The following WDPCP variants were observed in gnomAD, a reference collection of about 807,000 sequenced individuals.
WDPCP encodes WD repeat-containing and planar cell polarity effector protein fritz homolog.
In WDPCP, 71 loss-of-function variants were observed where a neutral mutation model predicts 93.1. That is an observed-to-expected ratio of 0.76 (90% CI 0.63 to 0.93). The LOEUF is 0.93. WDPCP is among the 40% of genes least tolerant of loss of function. The pLI, the probability that WDPCP is intolerant of heterozygous loss-of-function variation, is 0.00. For synonymous variants in WDPCP, 315 were observed against 315.0 expected (o/e 1.00, Z 0.00); for missense variants, 844 against 887.4 (o/e 0.95, Z 0.62).
At chr2:63,430,503 T>A (rs1358259188) in intron 9 of WDPCP, among the ~76,000 whole-genome samples, 1 of 152,216 alleles carries the variant, frequency 6.6e-6, no homozygotes, top group Non-Finnish European at 1.5e-5. Flanking sequence ...CTGACAAAAT[T>A]TTTTTCTGTA....
intron 1 of WDPCP, among the ~76,000 whole-genome samples, chr2:63,529,330 A>G (rs1221872187): frequency 6.6e-6 from 1 of 152,210 alleles, no homozygotes; most frequent in African/African-American, 2.4e-5. Flanking sequence ...TTGCCCATTC[A>G]GTATGATATT....
chr2:63,226,831 T>C (rs1299020868), intron 14 of WDPCP, among the ~76,000 whole-genome samples: 1 of 151,932 alleles, frequency 6.6e-6, no homozygotes, highest in Non-Finnish European at 1.5e-5. Context: ...AGCAGTCTTA[T>C]GCACAACATG....
chr2:63,492,285 C>T (rs1209131092), intron 2 of WDPCP, among the ~76,000 whole-genome samples: 1 of 151,982 alleles, frequency 6.6e-6, no homozygotes, highest in Middle Eastern at 3.4e-3. Flanking sequence ...ATTGTTAAAA[C>T]ACACATATTA....
intron 14 of WDPCP, among the ~76,000 whole-genome samples, chr2:63,236,550 A>C (rs1365343218): frequency 2.6e-5 from 4 of 152,232 alleles, no homozygotes; most frequent in African/African-American, 9.6e-5. Context: ...ATAAAGCTGG[A>C]GGCATCAGAC....
At chr2:63,644,963 C>T (rs1710032012) in intron 3 of WDPCP, among the ~76,000 whole-genome samples, 1 of 151,954 alleles carries the variant, frequency 6.6e-6, no homozygotes. Context: ...CTTTTCCTTC[C>T]ATTAATCATT....
At chr2:63,622,886 G>A in intron 3 of WDPCP, 1 of 1,459,768 alleles carries the variant, frequency 6.9e-7, no homozygotes, top group Non-Finnish European at 9.4e-7. Flanking sequence ...GCGGAGCCTG[G>A]GAGGCACGCG....
chr2:63,588,550 A>C (rs1332743388), upstream of WDPCP: 3 of 578,562 alleles, frequency 5.2e-6, no homozygotes, highest in Admixed American at 3.0e-5. Flanking sequence ...AGCTTTACGC[A>C]GCGGAAGGTC....
intron 2 of WDPCP, among the ~76,000 whole-genome samples, chr2:63,682,874 ATAAC>A (rs1193208246): frequency 1.4e-5 from 2 of 146,424 alleles, no homozygotes; most frequent in Non-Finnish European, 2.9e-5. Flanking sequence ...ATCAAAAACA[ATAAC>A]TATAACAACT....
intron 14 of WDPCP, among the ~76,000 whole-genome samples, chr2:63,241,923 AAGAT>A (rs1679887912): frequency 6.6e-6 from 1 of 152,196 alleles, no homozygotes; most frequent in African/African-American, 2.4e-5. Flanking sequence ...TTTTAGGAAG[AAGAT>A]AACATAAAAA....
chr2:63,778,192 C>T (rs1018419177), intron 2 of WDPCP, among the ~76,000 whole-genome samples: 3 of 148,300 alleles, frequency 2.0e-5, no homozygotes, highest in Admixed American at 2.0e-4. Flanking sequence ...GTTGTCTCTC[C>T]CTTGTCCACT....
chr2:63,631,491 A>G (rs188795620), intron 3 of WDPCP, among the ~76,000 whole-genome samples: 1 of 152,236 alleles, frequency 6.6e-6, no homozygotes, highest in East Asian at 1.9e-4. Context: ...TAGAAAAACA[A>G]TAGGGAGAGG....
intron 3 of WDPCP, among the ~76,000 whole-genome samples, chr2:63,598,914 A>G (rs1328175737): frequency 6.6e-6 from 1 of 151,124 alleles, no homozygotes. Context: ...AAAAAAAAAA[A>G]GATATATGGG....
chr2:63,676,051 A>C (rs1358820429), intron 2 of WDPCP, among the ~76,000 whole-genome samples: 1 of 152,200 alleles, frequency 6.6e-6, no homozygotes, highest in Non-Finnish European at 1.5e-5. Context: ...TATTAGATAG[A>C]GTTCTATCTT....
At chr2:63,667,588 T>TCC (rs1374182496) in intron 2 of WDPCP, among the ~76,000 whole-genome samples, 1 of 152,234 alleles carries the variant, frequency 6.6e-6, no homozygotes, top group Non-Finnish European at 1.5e-5. Context: ...GGAGTTTCTC[T>TCC]CCCTGTTATC....
rs1331761519 is a variant in WDPCP, at chr2:63,265,642, C to T, written c.1813-6233G>A. ...AGCCCTTCCAACAAACTGAAGAGGA[C>T]GTACTTCCAAACTCACTGTGAGGCC... is the stretch of plus-strand genomic sequence containing the variant. On this transcript the variant is annotated intron_variant, in intron 13 of 17. Transcript: ENST00000272321. 2.0e-5 allele frequency among the ~76,000 whole-genome samples: 3 copies of T among 152,096 alleles called. No homozygotes were observed. In the South Asian group the frequency reaches 6.2e-4, roughly 32 times the overall value.
intron 1 of WDPCP, among the ~76,000 whole-genome samples, chr2:63,540,541 A>G (rs955356219): frequency 6.6e-6 from 1 of 152,220 alleles, no homozygotes; most frequent in Non-Finnish European, 1.5e-5. Flanking sequence ...ACCTTAAGAC[A>G]TAAGGAGATA....
chr2:63,562,379 G>C (rs1706693727), intron 1 of WDPCP, among the ~76,000 whole-genome samples: 1 of 152,196 alleles, frequency 6.6e-6, no homozygotes, highest in South Asian at 2.1e-4. Flanking sequence ...GTCGGGGGTT[G>C]TGGTGGGAGG....
intron 10 of WDPCP, among the ~76,000 whole-genome samples, chr2:63,391,919 A>G (rs1693284919): frequency 1.3e-5 from 2 of 152,212 alleles, no homozygotes; most frequent in African/African-American, 4.8e-5. Flanking sequence ...TTCCATGCTC[A>G]TGGATAGGAA....
chr2:63,558,331 C>A (rs1261794248), intron 1 of WDPCP, among the ~76,000 whole-genome samples: 1 of 151,810 alleles, frequency 6.6e-6, no homozygotes, highest in Non-Finnish European at 1.5e-5. Flanking sequence ...AGTTTGAGAC[C>A]AGCCTGGCCA....
Sources: gnomAD v4.1 joint callset for allele counts (sites outside exome capture counted in the v4.1 genomes callset) on GRCh38, gnomAD v4.1.1 for gene constraint, MANE v1.5 for transcripts, NCBI Gene and HGNC (gene_info 2026-07-23, HGNC 2026-07-21) for gene names.